PGAP4: variants seen among roughly 807,000 people sequenced by gnomAD.
The protein encoded by PGAP4 is post-GPI attachment to proteins GalNAc transferase 4.
PGAP4 carries 12 observed loss-of-function variants against 28.2 expected under a neutral mutation model. The ratio of observed to expected loss-of-function variants is 0.42; its 90% confidence interval spans 0.27 to 0.69. PGAP4 has a LOEUF of 0.69. PGAP4 is among the 30% of genes least tolerant of loss of function. The pLI, the probability that PGAP4 is intolerant of heterozygous loss-of-function variation, is 0.22. For synonymous variants in PGAP4, 205 were observed against 211.8 expected (o/e 0.97, Z 0.28); for missense variants, 425 against 513.5 (o/e 0.83, Z 1.67).
chr9:101,500,998 A>G (rs1826793128), intron 2 of PGAP4, among the ~76,000 whole-genome samples: 1 of 152,098 alleles, frequency 6.6e-6, no homozygotes, highest in African/African-American at 2.4e-5. Context: ...CAAAAAATAT[A>G]CACAGCTATA....
chr9:101,506,162 A>G (rs1405712487), intron 2 of PGAP4, among the ~76,000 whole-genome samples: 1 of 152,090 alleles, frequency 6.6e-6, no homozygotes, highest in African/African-American at 2.4e-5. Flanking sequence ...AGTAGGTGAC[A>G]TGACACCAGG....
chr9:101,502,618 A>G (rs1249419273), intron 2 of PGAP4, among the ~76,000 whole-genome samples: 1 of 152,064 alleles, frequency 6.6e-6, no homozygotes, highest in Non-Finnish European at 1.5e-5. Flanking sequence ...GAGGAGCCCA[A>G]AAGAAGAATA....
At chr9:101,480,790 A>G (rs1826462567) in intron 1 of PGAP4, 1 of 152,240 alleles carries the variant, frequency 6.6e-6, no homozygotes, top group Non-Finnish European at 1.5e-5. Flanking sequence ...ACTTTTTAAA[A>G]CATTTTTTTA....
chr9:101,522,919 G>T (rs1343219604), intron 2 of PGAP4, among the ~76,000 whole-genome samples: 1 of 152,132 alleles, frequency 6.6e-6, no homozygotes, highest in South Asian at 2.1e-4. Context: ...GTGGTGGCTT[G>T]GTAATGGCAA....
intron 2 of PGAP4, among the ~76,000 whole-genome samples, chr9:101,521,400 G>A (rs1003456285): frequency 1.3e-5 from 2 of 152,084 alleles, no homozygotes; most frequent in African/African-American, 2.4e-5. Context: ...CTTGTTATTG[G>A]TCTGTTCAGG....
At chr9:101,533,176 G>A (rs1827122567) in exon 1 of PGAP4, 1 of 152,072 alleles carries the variant, frequency 6.6e-6, no homozygotes, top group East Asian at 1.9e-4. Flanking sequence ...TCTTTTCCCT[G>A]GACAATTTCT....
chr9:101,529,419 T>G (rs1355551436), intron 2 of PGAP4, among the ~76,000 whole-genome samples: 2 of 152,190 alleles, frequency 1.3e-5, no homozygotes, highest in African/African-American at 4.8e-5. Flanking sequence ...CCTCCCAAAG[T>G]GCTGGGATTA....
intron 2 of PGAP4, among the ~76,000 whole-genome samples, chr9:101,519,776 T>C (rs989563727): frequency 3.3e-5 from 5 of 152,082 alleles, no homozygotes; most frequent in Non-Finnish European, 7.3e-5. Flanking sequence ...TTTGGGTTCT[T>C]GGTCATGAAA....
In PGAP4 at chr9:101,486,299, T is replaced by C. The variant is rs111532656; in HGVS notation, c.-78+650A>G. On this transcript the variant is annotated intron_variant, in intron 1 of 1. Transcript: ENST00000374848. This position sits in a 1 kb window ranked among gnomAD's most constrained non-coding sequence, Gnocchi z 4.7. The stretch of plus-strand genomic sequence containing the variant: ...CGCTTGAGCCTCAGTTTCCCACCCG[T>C]AGGCCGAGCTGACCGTCTCCATCGC... Among the ~76,000 whole-genome samples the C allele has an allele frequency of 3.0e-4, 45 of 152,332 alleles. No individual in the cohort carries two copies. The highest frequency in any genetic ancestry group is 5.1e-4 in the Non-Finnish European group (35 of 68,022).
At chr9:101,495,664 G>T in intron 2 of PGAP4, among the ~76,000 whole-genome samples, 1 of 149,482 alleles carries the variant, frequency 6.7e-6, no homozygotes, top group Non-Finnish European at 1.5e-5. Flanking sequence ...ATAACCAAAA[G>T]ACTTAAAAAA....
chr9:101,508,279 G>T (rs1826866353), intron 2 of PGAP4, among the ~76,000 whole-genome samples: 2 of 152,012 alleles, frequency 1.3e-5, no homozygotes, highest in African/African-American at 2.4e-5. Flanking sequence ...TTGTGCACTT[G>T]CCCGTGCCTG....
rs952008131 is a variant in PGAP4, at chr9:101,474,702, A to T, written c.*1179T>A. The stretch of plus-strand genomic sequence containing the variant: ...TGCCCTATCTCATACTTTAAACAAC[A>T]TCACCAATATCTTTTTCCGAAATAA... On this transcript the variant is annotated 3_prime_UTR_variant, in exon 2 of 2. Coordinates refer to ENST00000374848, the MANE Select transcript of PGAP4 (RefSeq NM_032342.3). 1.3e-5 allele frequency: 2 copies of T among 152,206 alleles called. No individual in the cohort carries two copies. The highest frequency in any genetic ancestry group is 2.9e-5 in the Non-Finnish European group (2 of 68,042). 9.4% of individuals were successfully genotyped at this position (152,206 alleles called of 1,614,324 possible).
intron 2 of PGAP4, among the ~76,000 whole-genome samples, chr9:101,520,891 C>T (rs1826983725): frequency 6.7e-6 from 1 of 148,668 alleles, no homozygotes; most frequent in Admixed American, 6.6e-5. Flanking sequence ...AGGTATGTCC[C>T]TTGTGTGCTG....
chr9:101,526,006 A>G (rs1827033808), intron 2 of PGAP4, among the ~76,000 whole-genome samples: 1 of 152,126 alleles, frequency 6.6e-6, no homozygotes, highest in Non-Finnish European at 1.5e-5. Context: ...GGAATAGCTG[A>G]ATCATTGGGT....
At chr9:101,488,118 C>A (rs1826651216), upstream of PGAP4, among the ~76,000 whole-genome samples, 1 of 152,080 alleles carries the variant, frequency 6.6e-6, no homozygotes. Context: ...CACCTGAGCC[C>A]CCATTCATCA....
At position 101,523,619 on chromosome 9, in the gene PGAP4, C is replaced by CTTTTTTTTTTTTTTTTTTTT. The variant is rs71356369; in HGVS notation, c.-165+7709_-165+7728dup. 2.8e-3 allele frequency among the ~76,000 whole-genome samples: 166 copies of CTTTTTTTTTTTTTTTTTTTT among 59,334 alleles called. 30 individuals carry two copies. Among genetic ancestry groups the CTTTTTTTTTTTTTTTTTTTT allele is most frequent in the African/African-American group, 3.8e-3 (54 of 14,116 alleles). 38.9% of individuals were successfully genotyped at this position (59,334 alleles called of 152,430 possible). A position where few individuals can be genotyped will look rare whatever the true frequency, so the allele number is the denominator to read the frequency against. ...ACATTTCTCCCCTCACTTCTTGTAT[C>CTTTTTTTTTTTTTTTTTTTT]TTTTTTTTTTTTTTTTTTTTTTTTT... On this transcript the variant is annotated intron_variant, in intron 2 of 3. Coordinates refer to the PGAP4 transcript ENST00000374851.
intron 2 of PGAP4, among the ~76,000 whole-genome samples, chr9:101,500,317 T>C (rs954848282): frequency 1.3e-5 from 2 of 152,156 alleles, no homozygotes; most frequent in Admixed American, 6.6e-5. Flanking sequence ...TTGTCTTTTT[T>C]AGTTTTTAGG....
chr9:101,501,883 C>T, intron 2 of PGAP4: 1 of 436,510 alleles, frequency 2.3e-6, no homozygotes. Context: ...TCTGGTGGAA[C>T]ATGTTTGCGG....
At chr9:101,478,807 C>T (rs1228715918) in intron 1 of PGAP4, among the ~76,000 whole-genome samples, 2 of 152,188 alleles carry the variant, frequency 1.3e-5, no homozygotes, top group African/African-American at 4.8e-5. Context: ...CCGCTGCCCA[C>T]CTCCCAGTAC....
Sources: allele counts gnomAD v4.1 joint callset (sites outside exome capture counted in the v4.1 genomes callset), GRCh38; gene constraint gnomAD v4.1.1; non-coding constraint Gnocchi (gnomAD v3.1); transcripts MANE v1.5; gene names NCBI Gene and HGNC (gene_info 2026-07-23, HGNC 2026-07-21).